The following NRXN1 variants were observed in gnomAD, a reference collection of about 807,000 sequenced individuals.
The protein encoded by NRXN1 is neurexin-1.
In NRXN1, 39 loss-of-function variants were observed where a neutral mutation model predicts 150.9. The observed-to-expected ratio is 0.26, with a 90% confidence interval of 0.20 to 0.34. The LOEUF is 0.34. Ranked by LOEUF, NRXN1 falls within the 10% of genes least tolerant of loss-of-function variation. NRXN1 has a pLI of 1.00. For missense variants in NRXN1, 1,815 were observed against 1,949.9 expected (o/e 0.93, Z 1.30); for synonymous variants, 924 against 757.0 (o/e 1.22, Z -3.62).
At chr2:49,993,883 G>T (rs1405115807) in intron 21 of NRXN1, among the ~76,000 whole-genome samples, 1 of 152,130 alleles carries the variant, frequency 6.6e-6, no homozygotes, top group Non-Finnish European at 1.5e-5. Context: ...TGGTACATTT[G>T]TATCTCTTGA....
chr2:50,182,381 G>A (rs911040340), intron 18 of NRXN1, among the ~76,000 whole-genome samples: 19 of 152,028 alleles, frequency 1.2e-4, no homozygotes, highest in Admixed American at 7.9e-4. Flanking sequence ...TAGTGTCTGC[G>A]GGTGTTGGTA....
intron 5 of NRXN1, among the ~76,000 whole-genome samples, chr2:50,877,436 C>T (rs1678770262): frequency 1.3e-5 from 2 of 151,798 alleles, no homozygotes; most frequent in South Asian, 4.1e-4. Flanking sequence ...TTTTTCTCTG[C>T]CTGCTCAAAC....
chr2:50,189,929 C>G (rs573045534), intron 18 of NRXN1, among the ~76,000 whole-genome samples: 1 of 152,280 alleles, frequency 6.6e-6, no homozygotes. Context: ...TTCTGATTGA[C>G]TTTTCTACAT....
chr2:50,338,888 A>G (rs2077366430), intron 17 of NRXN1, among the ~76,000 whole-genome samples: 1 of 152,132 alleles, frequency 6.6e-6, no homozygotes, highest in Non-Finnish European at 1.5e-5. Flanking sequence ...CACACTTTAG[A>G]TTTTTCAGTC....
At chr2:50,125,912 A>C (rs1168199533) in intron 18 of NRXN1, among the ~76,000 whole-genome samples, 1 of 152,120 alleles carries the variant, frequency 6.6e-6, no homozygotes, top group East Asian at 1.9e-4. Flanking sequence ...TAACCTAACT[A>C]AGATTTTTGA....
chr2:50,585,012 T>A (rs533187013), intron 8 of NRXN1, among the ~76,000 whole-genome samples: 1 of 152,272 alleles, frequency 6.6e-6, no homozygotes, highest in East Asian at 1.9e-4. Context: ...CAAAGTTTTT[T>A]TTCATAAAAA....
At chr2:50,853,443 T>C (rs1674804074) in intron 5 of NRXN1, among the ~76,000 whole-genome samples, 1 of 152,124 alleles carries the variant, frequency 6.6e-6, no homozygotes, top group Non-Finnish European at 1.5e-5. Flanking sequence ...TCATTTAAGT[T>C]GTGCGTTTTA....
At chr2:50,764,890 G>A (rs1224571667) in intron 5 of NRXN1, among the ~76,000 whole-genome samples, 2 of 152,004 alleles carry the variant, frequency 1.3e-5, no homozygotes, top group African/African-American at 2.4e-5. Flanking sequence ...GCTCCCAAGA[G>A]GAGCACATCT....
At chr2:49,938,988 A>T (rs747805886) in intron 22 of NRXN1, among the ~76,000 whole-genome samples, 6 of 152,188 alleles carry the variant, frequency 3.9e-5, no homozygotes, top group Non-Finnish European at 8.8e-5. Flanking sequence ...TACTAAGTGG[A>T]TCTAAAATGT....
intron 5 of NRXN1, among the ~76,000 whole-genome samples, chr2:50,667,035 T>C (rs1370251697): frequency 2.0e-5 from 3 of 152,010 alleles, no homozygotes. Flanking sequence ...TTTACTTGAA[T>C]GAAATTTGCT....
chr2:50,839,770 CAG>C (rs1306764967), intron 5 of NRXN1, among the ~76,000 whole-genome samples: 1 of 151,926 alleles, frequency 6.6e-6, no homozygotes, highest in African/African-American at 2.4e-5. Flanking sequence ...TGAGTACAGA[CAG>C]AGAAGAAATA....
intron 18 of NRXN1, among the ~76,000 whole-genome samples, chr2:50,186,990 T>C (rs560623751): frequency 6.6e-6 from 1 of 152,158 alleles, no homozygotes; most frequent in African/African-American, 2.4e-5. Flanking sequence ...TTAAACAACA[T>C]CTGCAAAACA....
intron 18 of NRXN1, among the ~76,000 whole-genome samples, chr2:50,181,968 G>A (rs928518588): frequency 1.3e-5 from 2 of 151,546 alleles, no homozygotes; most frequent in African/African-American, 4.8e-5. Context: ...CTAGGAGTAC[G>A]CTATTAATTT....
At chr2:50,744,751 T>G (rs1699819241) in intron 5 of NRXN1, among the ~76,000 whole-genome samples, 1 of 152,140 alleles carries the variant, frequency 6.6e-6, no homozygotes, top group East Asian at 1.9e-4. Context: ...TTCATAATAA[T>G]AAGATTATGG....
chr2:50,296,107 T>C (rs1199937851), intron 17 of NRXN1, among the ~76,000 whole-genome samples: 1 of 152,250 alleles, frequency 6.6e-6, no homozygotes, highest in East Asian at 1.9e-4. Context: ...ATATTCACTA[T>C]GACTATATAA....
intron 5 of NRXN1, among the ~76,000 whole-genome samples, chr2:50,907,110 C>CT (rs1683812538): frequency 1.3e-5 from 2 of 151,530 alleles, no homozygotes; most frequent in African/African-American, 4.9e-5. Context: ...TCCCTTTTCC[C>CT]TTGAAGACTC....
intron 17 of NRXN1, among the ~76,000 whole-genome samples, chr2:50,268,483 A>G (rs572707681): frequency 6.6e-6 from 1 of 152,264 alleles, no homozygotes; most frequent in South Asian, 2.1e-4. Context: ...TTAACAGGAC[A>G]CTTTACAAAG....
chr2:49,995,038 TGAGG>T (rs2152525006), intron 21 of NRXN1, among the ~76,000 whole-genome samples: 1 of 152,332 alleles, frequency 6.6e-6, no homozygotes, highest in East Asian at 1.9e-4. Flanking sequence ...AGAAAACACC[TGAGG>T]AAGGGAGAGA....
At chr2:50,288,719 C>G (rs187181051) in intron 17 of NRXN1, among the ~76,000 whole-genome samples, 2 of 152,050 alleles carry the variant, frequency 1.3e-5, no homozygotes, top group Non-Finnish European at 2.9e-5. Flanking sequence ...CTAAAAATCA[C>G]GGGAAGGACA....
Sources: gnomAD v4.1 joint callset for allele counts (sites outside exome capture counted in the v4.1 genomes callset) on GRCh38, gnomAD v4.1.1 for gene constraint, MANE v1.5 for transcripts, NCBI Gene and HGNC (gene_info 2026-07-23, HGNC 2026-07-21) for gene names.